The following KHDRBS2 variants were observed in gnomAD, a reference collection of about 807,000 sequenced individuals.
KHDRBS2 encodes the protein KH domain-containing, RNA-binding, signal transduction-associated protein 2.
KHDRBS2 carries 26 observed loss-of-function variants against 44.3 expected under a neutral mutation model. That is an observed-to-expected ratio of 0.59 (90% CI 0.43 to 0.81). The LOEUF is 0.81. Among genes scored for constraint, KHDRBS2 ranks in the 40% least tolerant of loss-of-function variants. The pLI, the probability that KHDRBS2 is intolerant of heterozygous loss-of-function variation, is 0.00. For missense variants in KHDRBS2, 476 were observed against 433.1 expected, an observed-to-expected ratio of 1.10 and a Z score of -0.88; for synonymous variants, 194 against 151.1, an observed-to-expected ratio of 1.28 and a Z score of -2.08.
At chr6:61,768,363 T>C (rs923044596) in intron 6 of KHDRBS2, among the ~76,000 whole-genome samples, 1 of 152,192 alleles carries the variant, frequency 6.6e-6, no homozygotes, top group Non-Finnish European at 1.5e-5. Context: ...CCTGGTGTTC[T>C]GTCACCTTCT....
chr6:61,865,256 G>A lies in KHDRBS2; in HGVS notation c.810+29379C>T, dbSNP rs1029379954. ...CAAAGTTCATTTTTATTCACATTCC[G>A]AAGCCTACTATATTAGTCTCTTTTC... is the stretch of plus-strand genomic sequence containing the variant. On this transcript the variant is annotated intron_variant, in intron 6 of 8. Coordinates refer to ENST00000281156, the MANE Select transcript of KHDRBS2 (RefSeq NM_152688.4). Among the ~76,000 whole-genome samples the A allele has an allele frequency of 1.3e-4, 19 of 152,000 alleles. No homozygotes were observed. The South Asian group carries it at 2.3e-3, about 18-fold the overall frequency.
intron 2 of KHDRBS2, among the ~76,000 whole-genome samples, chr6:62,142,973 C>T (rs1407709808): frequency 6.7e-6 from 1 of 148,908 alleles, no homozygotes; most frequent in African/African-American, 2.6e-5. Context: ...ACAAAGATAT[C>T]ATATATACTG....
At chr6:62,233,796 A>G (rs1483410202) in intron 1 of KHDRBS2, among the ~76,000 whole-genome samples, 1 of 152,092 alleles carries the variant, frequency 6.6e-6, no homozygotes, top group Non-Finnish European at 1.5e-5. Flanking sequence ...AGCTCCATCA[A>G]TGTTCCTGCA....
intron 4 of KHDRBS2, among the ~76,000 whole-genome samples, chr6:61,906,111 G>T (rs1292134188): frequency 2.0e-5 from 3 of 152,054 alleles, no homozygotes; most frequent in African/African-American, 7.2e-5. Context: ...CTCCCAAAGT[G>T]CTGGGAATAT....
rs565518258 is a variant in KHDRBS2, at chr6:62,268,294, ATCT to A, written c.91+17561_91+17563del. Among the ~76,000 whole-genome samples the A allele has an allele frequency of 5.5e-3, 842 of 152,158 alleles. 7 individuals are homozygous for A. Among genetic ancestry groups the A allele is most frequent in the Non-Finnish European group, 0.01 (697 of 67,972 alleles). ...TTCTGTCAGTCTAGATCATTGTTAA[ATCT>A]TCTTTTTGGTTATTAGTGTTGACAT... On this transcript the variant is annotated intron_variant, in intron 1 of 8. Coordinates refer to ENST00000281156, the MANE Select transcript of KHDRBS2 (RefSeq NM_152688.4).
intron 6 of KHDRBS2, among the ~76,000 whole-genome samples, chr6:61,809,780 G>T (rs1787807119): frequency 6.6e-6 from 1 of 152,112 alleles, no homozygotes; most frequent in Non-Finnish European, 1.5e-5. Flanking sequence ...TCAAGGCTAT[G>T]AATAAATATT....
At chr6:61,958,668 G>A (rs1432471486) in intron 4 of KHDRBS2, among the ~76,000 whole-genome samples, 2 of 152,076 alleles carry the variant, frequency 1.3e-5, no homozygotes, top group Admixed American at 1.3e-4. Context: ...ACAGAATTGT[G>A]CCAACTCTGT....
chr6:61,819,146 C>T (rs1477384352), intron 6 of KHDRBS2, among the ~76,000 whole-genome samples: 6 of 151,434 alleles, frequency 4.0e-5, no homozygotes, highest in Non-Finnish European at 5.9e-5. Flanking sequence ...ATCTTTAGCC[C>T]TTTTGAAAGG....
chr6:61,988,837 C>T (rs1037725133), intron 3 of KHDRBS2, among the ~76,000 whole-genome samples: 11 of 152,128 alleles, frequency 7.2e-5, no homozygotes, highest in African/African-American at 2.7e-4. Context: ...TCTACACTAA[C>T]AAATAAAAAC....
At chr6:61,710,349 C>T (rs1382045188) in intron 7 of KHDRBS2, among the ~76,000 whole-genome samples, 1 of 151,680 alleles carries the variant, frequency 6.6e-6, no homozygotes, top group African/African-American at 2.4e-5. Context: ...AATCAGAATT[C>T]TGTTTGTCTT....
chr6:62,256,008 A>C (rs1837342866), intron 1 of KHDRBS2, among the ~76,000 whole-genome samples: 1 of 151,630 alleles, frequency 6.6e-6, no homozygotes, highest in Non-Finnish European at 1.5e-5. Flanking sequence ...AGTGATGAGC[A>C]CCTATAATCT....
the KHDRBS2 span, among the ~76,000 whole-genome samples, chr6:61,556,846 C>CA: frequency 7.3e-6 from 1 of 137,116 alleles, no homozygotes; most frequent in Admixed American, 7.6e-5. Context: ...ACTGATTTAT[C>CA]AAGGACATCC....
At chr6:62,003,077 C>G (rs887407763) in intron 3 of KHDRBS2, among the ~76,000 whole-genome samples, 8 of 151,796 alleles carry the variant, frequency 5.3e-5, no homozygotes, top group African/African-American at 1.9e-4. Context: ...AACTGATTAT[C>G]TAACTCATTT....
At chr6:61,953,896 C>G (rs1465930001) in intron 4 of KHDRBS2, among the ~76,000 whole-genome samples, 1 of 152,048 alleles carries the variant, frequency 6.6e-6, no homozygotes, top group East Asian at 1.9e-4. Context: ...AACTTTGCAG[C>G]TAGCAGAGAG....
the KHDRBS2 span, among the ~76,000 whole-genome samples, chr6:61,632,150 G>A: frequency 1.6e-4 from 25 of 152,250 alleles, no homozygotes; most frequent in Non-Finnish European, 2.6e-4. Flanking sequence ...CTATGTGAAA[G>A]GATTGGCACC....
chr6:62,078,945 C>T (rs1796867485), intron 2 of KHDRBS2, among the ~76,000 whole-genome samples: 1 of 151,982 alleles, frequency 6.6e-6, no homozygotes, highest in Non-Finnish European at 1.5e-5. Flanking sequence ...TATTTCTACA[C>T]AATATTTTTA....
At chr6:61,982,142 A>C (rs1041774158) in intron 3 of KHDRBS2, among the ~76,000 whole-genome samples, 7 of 152,196 alleles carry the variant, frequency 4.6e-5, no homozygotes, top group African/African-American at 1.7e-4. Context: ...GTGGCTGATG[A>C]CAACAGTGTC....
At chr6:62,139,477 C>T (rs922935057) in intron 2 of KHDRBS2, among the ~76,000 whole-genome samples, 41 of 151,342 alleles carry the variant, frequency 2.7e-4, no homozygotes, top group African/African-American at 9.2e-4. Flanking sequence ...GGCGTGAACC[C>T]GGGAGGCGGA....
intron 7 of KHDRBS2, among the ~76,000 whole-genome samples, chr6:61,717,889 A>C (rs2127553826): frequency 6.6e-6 from 1 of 152,182 alleles, no homozygotes; most frequent in African/African-American, 2.4e-5. Flanking sequence ...GGTACATAAC[A>C]GACGTCTGAA....
Sources: gnomAD v4.1 joint callset for allele counts (sites outside exome capture counted in the v4.1 genomes callset) on GRCh38, gnomAD v4.1.1 for gene constraint, MANE v1.5 for transcripts, NCBI Gene and HGNC (gene_info 2026-07-23, HGNC 2026-07-21) for gene names.